The following ZNRF1 variants were observed in gnomAD, a reference collection of about 807,000 sequenced individuals.
ZNRF1 encodes zinc and ring finger 1.
In ZNRF1, 3 loss-of-function variants were observed where a neutral mutation model predicts 18.4. The ratio of observed to expected loss-of-function variants is 0.16; its 90% CI spans 0.07 to 0.42. The LOEUF is 0.42. Ranked by LOEUF, ZNRF1 falls within the 10% of genes least tolerant of loss-of-function variation. The pLI is 0.99. For synonymous variants in ZNRF1, 157 were observed against 144.2 expected, an observed-to-expected ratio of 1.09 and a Z score of -0.64; for missense variants, 310 against 329.8, an observed-to-expected ratio of 0.94 and a Z score of 0.47.
At chr16:75,106,265 A>G (rs1181332684) in intron 3 of ZNRF1, 1 of 564,078 alleles carries the variant, frequency 1.8e-6, no homozygotes, top group Non-Finnish European at 3.2e-6. Context: ...CTGAGCCGGT[A>G]CTGCTGCCTC....
At chr16:75,069,088 G>T (rs944636554) in intron 1 of ZNRF1, among the ~76,000 whole-genome samples, 1 of 151,872 alleles carries the variant, frequency 6.6e-6, no homozygotes, top group Admixed American at 6.6e-5. Flanking sequence ...GGTGAACAGC[G>T]TTAATTGGCT....
At chr16:75,028,150 C>T (rs1219899591) in intron 1 of ZNRF1, among the ~76,000 whole-genome samples, 1 of 152,188 alleles carries the variant, frequency 6.6e-6, no homozygotes, top group African/African-American at 2.4e-5. Context: ...CCTCTGCTCT[C>T]TGCTAAATAT....
At chr16:75,093,312 G>A (rs1439173649) in intron 1 of ZNRF1, among the ~76,000 whole-genome samples, 1 of 151,530 alleles carries the variant, frequency 6.6e-6, no homozygotes, top group Non-Finnish European at 1.5e-5. Context: ...TTGAACCCGG[G>A]ATGCAGAGGT....
At chr16:75,106,721 A>C (rs2036320360) in intron 4 of ZNRF1, 150 bp downstream of exon 4, 1 of 610,724 alleles carries the variant, frequency 1.6e-6, no homozygotes, top group South Asian at 1.9e-5. Context: ...GCAGTTAGTC[A>C]TCCGGAAATG....
intron 1 of ZNRF1, among the ~76,000 whole-genome samples, chr16:75,074,744 T>C (rs1168724255): frequency 1.3e-5 from 2 of 152,060 alleles, no homozygotes; most frequent in African/African-American, 2.4e-5. Flanking sequence ...TCTATTCAAT[T>C]TTTTTGTTTG....
chr16:75,012,396 T>C (rs2035010599), intron 1 of ZNRF1, among the ~76,000 whole-genome samples: 1 of 152,160 alleles, frequency 6.6e-6, no homozygotes, highest in African/African-American at 2.4e-5. Flanking sequence ...ATGATGAGAA[T>C]CTAGAGGTCA....
At chr16:75,058,919 C>T (rs2035702268) in intron 1 of ZNRF1, among the ~76,000 whole-genome samples, 1 of 152,162 alleles carries the variant, frequency 6.6e-6, no homozygotes, top group Non-Finnish European at 1.5e-5. Flanking sequence ...TGATGAGCTG[C>T]TGCCAAATGT....
intron 1 of ZNRF1, among the ~76,000 whole-genome samples, chr16:75,028,052 C>G (rs1330108721): frequency 1.3e-5 from 2 of 152,148 alleles, no homozygotes; most frequent in East Asian, 3.9e-4. Context: ...ATGAGTTGTA[C>G]ATGATCCTTG....
chr16:75,106,225 C>T (rs1395997242), intron 3 of ZNRF1: 1 of 496,720 alleles, frequency 2.0e-6, no homozygotes, highest in Non-Finnish European at 3.7e-6. Flanking sequence ...CTGAAAGCCA[C>T]TCTGCCCCTT....
intron 1 of ZNRF1, among the ~76,000 whole-genome samples, chr16:75,012,046 C>T (rs2035006563): frequency 6.6e-6 from 1 of 152,122 alleles, no homozygotes; most frequent in South Asian, 2.1e-4. Flanking sequence ...CATTTCTCAC[C>T]AGGGGAATTT....
chr16:75,101,154 A>G (rs1032794043), intron 2 of ZNRF1, among the ~76,000 whole-genome samples: 1 of 152,152 alleles, frequency 6.6e-6, no homozygotes. Flanking sequence ...GGCTGGTCTC[A>G]AACTCCTGAG....
intron 1 of ZNRF1, among the ~76,000 whole-genome samples, chr16:75,053,933 C>A (rs373968626): frequency 2.0e-5 from 3 of 152,224 alleles, no homozygotes; most frequent in African/African-American, 7.2e-5. Context: ...TTCTTTGTTA[C>A]ATATTCCCTT....
intron 1 of ZNRF1, among the ~76,000 whole-genome samples, chr16:75,058,155 CG>C (rs532331182): frequency 2.8e-5 from 4 of 145,376 alleles, no homozygotes; most frequent in Middle Eastern, 7.2e-3. Context: ...ATTTTAGAGA[CG>C]GGGGGGTGGT....
chr16:75,051,703 A>G (rs2145375146), intron 1 of ZNRF1, among the ~76,000 whole-genome samples: 1 of 152,040 alleles, frequency 6.6e-6, no homozygotes, highest in South Asian at 2.1e-4. Flanking sequence ...TTTTTAGTAG[A>G]TATGGGGTTT....
At chr16:75,010,556 G>A (rs771854670) in intron 1 of ZNRF1, among the ~76,000 whole-genome samples, 6 of 151,952 alleles carry the variant, frequency 3.9e-5, no homozygotes, top group Non-Finnish European at 8.8e-5. Flanking sequence ...AGGTATGTAT[G>A]GTCTCTCATC....
Position 74,999,726 on chromosome 16 carries a change from T to C in ZNRF1, c.55T>C (p.Ser19Pro). Residue 19 changes from serine (S) to proline (P), a missense_variant, in exon 1 of 5, where the codon TCC becomes CCC. Transcript: ENST00000335325. ...CTCCCGGGGCCCCTTCCCGGGGGTCTCCACCGATGACAGCGCCGTGCCGCC... is the reference window on the plus strand; with the variant it reads ...CTCCCGGGGCCCCTTCCCGGGGGTCCCCACCGATGACAGCGCCGTGCCGCC... ...ARSRGPFPGV[S>P]TDDSAVPPPG... The C allele has an allele frequency of 7.3e-7, 1 of 1,378,496 alleles. No individual in the cohort carries two copies. Among genetic ancestry groups the C allele is most frequent in the Non-Finnish European group, 9.3e-7 (1 of 1,072,768 alleles). 85.4% of individuals were successfully genotyped at this position (1,378,496 alleles called of 1,614,324 possible).
At position 75,110,360 on chromosome 16, in the gene ZNRF1, G is replaced by A. The variant is rs534218292; in HGVS notation, c.*2660G>A. ...GGATGGGAGAGAAGGTGAGGGAGCCGGCGAGCAGGTTCTACCCTCTCTGCT... is the reference window on the plus strand; with the variant it reads ...GGATGGGAGAGAAGGTGAGGGAGCCAGCGAGCAGGTTCTACCCTCTCTGCT... On this transcript the variant is annotated 3_prime_UTR_variant, in exon 5 of 5. Coordinates refer to ENST00000335325, the MANE Select transcript of ZNRF1 (RefSeq NM_032268.5). 2.0e-5 allele frequency: 3 copies of A among 152,396 alleles called. No individual in the cohort carries two copies. Among genetic ancestry groups the A allele is most frequent in the Non-Finnish European group, 2.9e-5 (2 of 68,110 alleles). The allele number at this position is 152,396 out of a possible 1,614,324, so 9.4% of individuals were successfully genotyped here.
chr16:75,016,733 T>TG (rs1242370515), intron 1 of ZNRF1, among the ~76,000 whole-genome samples: 1 of 123,530 alleles, frequency 8.1e-6, no homozygotes, highest in Non-Finnish European at 1.6e-5. Flanking sequence ...TGAGTAGAGA[T>TG]GGGGTTTCAC....
chr16:75,059,187 TTTC>T (rs2035707186), intron 1 of ZNRF1, among the ~76,000 whole-genome samples: 1 of 151,894 alleles, frequency 6.6e-6, no homozygotes, highest in Admixed American at 6.6e-5. Context: ...TCTTTTTTCT[TTTC>T]TTTTCTTTTC....
Sources: allele counts gnomAD v4.1 joint callset (sites outside exome capture counted in the v4.1 genomes callset), GRCh38; gene constraint gnomAD v4.1.1; transcripts MANE v1.5; gene names NCBI Gene and HGNC (gene_info 2026-07-23, HGNC 2026-07-21).